NEK9: variants seen among roughly 807,000 people sequenced by gnomAD.
The protein encoded by NEK9 is NIMA related kinase 9.
In NEK9, 75 loss-of-function variants were observed where a neutral mutation model predicts 123.4. The ratio of observed to expected loss-of-function variants is 0.61; its 90% CI spans 0.50 to 0.74. The LOEUF (loss-of-function observed/expected upper bound fraction) is 0.74. Among genes scored for constraint, NEK9 ranks in the 30% least tolerant of loss-of-function variants. NEK9 has a pLI of 0.00. For synonymous variants in NEK9, 438 were observed against 458.7 expected (o/e 0.95, Z 0.58); for missense variants, 952 against 1,214.4 (o/e 0.78, Z 3.21).
In NEK9 at chr14:75,083,579, A is replaced by T. The variant is rs1048049972; in HGVS notation, c.*985T>A. The T allele has an allele frequency of 1.3e-5, 2 of 152,402 alleles. No individual in the cohort carries two copies. Among genetic ancestry groups the T allele is most frequent in the Non-Finnish European group, 2.9e-5 (2 of 68,214 alleles). 9.4% of individuals were successfully genotyped at this position (152,402 alleles called of 1,614,324 possible). ...AAATACTGACTAGACATTCAGAAAG[A>T]AAGTGGTTGGGGCTGCTGATATCAA... On this transcript the variant is annotated 3_prime_UTR_variant, in exon 22 of 22. Transcript: ENST00000238616.
At position 75,084,418 on chromosome 14, in the gene NEK9, TG is replaced by T; in HGVS notation, c.*145del. 1 of 900,016 alleles carries T rather than the reference TG, an allele frequency of 1.1e-6. No homozygotes were observed. The highest frequency in any genetic ancestry group is 1.6e-5 in the South Asian group (1 of 62,442). 55.8% of individuals were successfully genotyped at this position (900,016 alleles called of 1,614,324 possible). On this transcript the variant is annotated 3_prime_UTR_variant, in exon 22 of 22. Coordinates refer to ENST00000238616, the MANE Select transcript of NEK9 (RefSeq NM_033116.6). ...CTAAAAGGCAATGCCACTCTCCAAA[TG>T]TACAAGGAAAGTGCTTCAGAGCCTC...
rs202025905 is a variant in NEK9 at position 75,101,064 on chromosome 14, C to T, written c.1930G>A (p.Gly644Arg). 14 of 1,614,256 alleles carry T rather than the reference C, an allele frequency of 8.7e-6. No homozygotes were observed. In the East Asian group the frequency reaches 2.7e-4, roughly 31 times the overall value. Residue 644 changes from glycine to arginine, a missense_variant, in exon 16 of 22, where the codon GGG becomes AGG. Transcript: ENST00000238616. ...YKKRLGINLL[G>R]GPLGGKQVIR... ...ACTTGCTTCCCACCAAGGGGTCCCC[C>T]CAACAGGTTGATTCCCAGACGCTTC...
intron 13 of NEK9, 108 bp from the exon 14 acceptor site, chr14:75,104,105 C>T (rs1894684817): frequency 1.8e-6 from 2 of 1,139,432 alleles, no homozygotes; most frequent in Non-Finnish European, 2.5e-6. Flanking sequence ...AGAATGACTA[C>T]AGGAAAGTGA....
chr14:75,116,810 G>T (rs1398895237), intron 6 of NEK9, among the ~76,000 whole-genome samples: 1 of 152,058 alleles, frequency 6.6e-6, no homozygotes, highest in Non-Finnish European at 1.5e-5. Context: ...GAGTGCAGTG[G>T]CATGATCTTG....
chr14:75,086,940 A>G, intron 21 of NEK9, 78 bp downstream of exon 21: 1 of 1,415,904 alleles, frequency 7.1e-7, no homozygotes, highest in Non-Finnish European at 1.0e-6. Context: ...GAACAAGTCT[A>G]TTTCAGTACT....
intron 2 of NEK9, among the ~76,000 whole-genome samples, chr14:75,122,708 G>A (rs1302948442): frequency 6.7e-6 from 1 of 149,216 alleles, no homozygotes; most frequent in East Asian, 2.0e-4. Flanking sequence ...GTTTAACCAT[G>A]TTGGCCAGGA....
chr14:75,108,960 C>T (rs183280772), intron 10 of NEK9, among the ~76,000 whole-genome samples: 4 of 152,236 alleles, frequency 2.6e-5, no homozygotes, highest in Admixed American at 2.6e-4. Context: ...TCACAGAAGG[C>T]AAGTAAAGAC....
rs964615150 is a variant in NEK9 at position 75,101,656 on chromosome 14, C to T, written c.1840+1G>A. 3 of 1,601,258 alleles carry T rather than the reference C, an allele frequency of 1.9e-6. No homozygotes were observed. The highest frequency in any genetic ancestry group is 2.6e-6 in the Non-Finnish European group (3 of 1,168,546). On this transcript the variant is annotated splice_donor_variant, in intron 15 of 21. Coordinates refer to ENST00000238616, the MANE Select transcript of NEK9 (RefSeq NM_033116.6). LOFTEE classifies it high-confidence loss of function. ...TGTGATACAGTTGTAAATCAACTTA[C>T]CATCAATAGCAGCTGTGTGAGTCTT...
At chr14:75,092,343 T>C (rs1193138253) in intron 18 of NEK9, among the ~76,000 whole-genome samples, 3 of 151,266 alleles carry the variant, frequency 2.0e-5, no homozygotes, top group African/African-American at 4.9e-5. Context: ...CTTGGCTCAC[T>C]GCAACCTCCG....
intron 12 of NEK9, chr14:75,106,252 G>T: frequency 1.7e-6 from 1 of 590,884 alleles, no homozygotes; most frequent in South Asian, 2.0e-5. Flanking sequence ...CCAGCTACTC[G>T]GGAGGCTGAG....
In NEK9 at chr14:75,084,703, C is replaced by A. The variant is rs185955176; in HGVS notation, c.2818-17G>T. ...CATCCCCACCTGTCCGGATAAAACACGGTTCCACATTAGCAACAGTGCCAC... is the reference window on the plus strand; with the variant it reads ...CATCCCCACCTGTCCGGATAAAACAAGGTTCCACATTAGCAACAGTGCCAC... On this transcript the variant is annotated splice_polypyrimidine_tract_variant and intron_variant, in intron 21 of 21. Coordinates refer to ENST00000238616, the MANE Select transcript of NEK9 (RefSeq NM_033116.6). 1 of 1,613,806 alleles carries A rather than the reference C, an allele frequency of 6.2e-7. No individual in the cohort carries two copies. Among genetic ancestry groups the A allele is most frequent in the Non-Finnish European group, 8.5e-7 (1 of 1,179,870 alleles).
intron 16 of NEK9, among the ~76,000 whole-genome samples, chr14:75,099,176 T>C (rs934565262): frequency 4.6e-5 from 7 of 152,096 alleles, no homozygotes; most frequent in African/African-American, 1.4e-4. Context: ...ATTAAATGTA[T>C]TGGCTGGGCA....
chr14:75,098,720 C>G (rs1894467938), intron 16 of NEK9, among the ~76,000 whole-genome samples: 1 of 152,082 alleles, frequency 6.6e-6, no homozygotes, highest in Non-Finnish European at 1.5e-5. Context: ...ATGAATGAGG[C>G]CATCAAGTAC....
intron 14 of NEK9, among the ~76,000 whole-genome samples, chr14:75,102,023 C>T (rs766504034): frequency 7.2e-5 from 11 of 152,218 alleles, no homozygotes; most frequent in Non-Finnish European, 1.2e-4. Flanking sequence ...GTTTATAAAA[C>T]ATGAACTTTC....
upstream of NEK9, chr14:75,127,153 C>G (rs1029766360): frequency 2.1e-6 from 1 of 466,318 alleles, no homozygotes; most frequent in Non-Finnish European, 3.8e-6. Flanking sequence ...CAAGGCTTCC[C>G]GCTTTCGGGG....
At position 75,103,809 on chromosome 14, in the gene NEK9, T is replaced by C. The variant is rs1451805592; in HGVS notation, c.1731+33A>G. The C allele has an allele frequency of 2.6e-6, 4 of 1,567,180 alleles. No individual in the cohort carries two copies. In the African/African-American group the frequency reaches 4.1e-5, roughly 16 times the overall value. On this transcript the variant is annotated intron_variant, in intron 14 of 21. Transcript: ENST00000238616. Reference sequence around the variant, plus strand: ...AAATTCCAACCTAGAGAAATTCTGATGATGTGGTTAGAACACCAATCAGGA... The same window carrying C: ...AAATTCCAACCTAGAGAAATTCTGACGATGTGGTTAGAACACCAATCAGGA...
intron 17 of NEK9, among the ~76,000 whole-genome samples, chr14:75,096,508 T>C (rs1446056834): frequency 6.6e-6 from 1 of 151,918 alleles, no homozygotes; most frequent in Non-Finnish European, 1.5e-5. Flanking sequence ...AATTAATTGG[T>C]GGATGATTAG....
intron 19 of NEK9, among the ~76,000 whole-genome samples, chr14:75,089,887 TG>T (rs1406993876): frequency 6.6e-6 from 1 of 151,866 alleles, no homozygotes; most frequent in Non-Finnish European, 1.5e-5. Context: ...TTAATAGAGA[TG>T]GGGTTTCACC....
chr14:75,117,398 A>G (rs1895177907), intron 5 of NEK9, 72 bp from the exon 6 acceptor site: 2 of 1,492,672 alleles, frequency 1.3e-6, no homozygotes, highest in Admixed American at 2.3e-5. Flanking sequence ...CAACAGCTTA[A>G]TTAAATTTCC....
Sources: gnomAD v4.1 joint callset for allele counts (sites outside exome capture counted in the v4.1 genomes callset) on GRCh38, gnomAD v4.1.1 for gene constraint, MANE v1.5 for transcripts, NCBI Gene and HGNC (gene_info 2026-07-23, HGNC 2026-07-21) for gene names.